The following IL1RAPL2 variants were observed in gnomAD, a reference collection of about 807,000 sequenced individuals.
IL1RAPL2 encodes the protein X-linked interleukin-1 receptor accessory protein-like 2.
Under a neutral mutation model 44.1 loss-of-function variants are expected in IL1RAPL2, and 3 were observed. That is an observed-to-expected ratio of 0.07 (90% CI 0.03 to 0.18). The LOEUF (loss-of-function observed/expected upper bound fraction) is 0.18. IL1RAPL2 is among the 10% of genes least tolerant of loss of function. The pLI is 1.00. For synonymous variants in IL1RAPL2, 181 were observed against 178.8 expected (o/e 1.01, Z -0.10); for missense variants, 391 against 496.4 (o/e 0.79, Z 2.02).
At chrX:105,035,654 A>T (rs1462798906) in intron 2 of IL1RAPL2, among the ~76,000 whole-genome samples, 1 of 112,553 alleles carries the variant, frequency 8.9e-6, no homozygotes, top group Non-Finnish European at 1.9e-5. Context: ...AATGTTCATT[A>T]AAACAAATAA....
intron 2 of IL1RAPL2, among the ~76,000 whole-genome samples, chrX:105,131,065 CAG>C (rs769526587): frequency 5.4e-5 from 6 of 111,063 alleles, no homozygotes; most frequent in Non-Finnish European, 1.1e-4. Context: ...TAAATTTACA[CAG>C]GGGATTAGTG....
At chrX:105,165,597 T>G in intron 2 of IL1RAPL2, among the ~76,000 whole-genome samples, 1 of 112,245 alleles carries the variant, frequency 8.9e-6, no homozygotes. Context: ...TCCACATGGC[T>G]TTCAGGATAA....
At chrX:105,561,910 G>A (rs894998001) in intron 6 of IL1RAPL2, among the ~76,000 whole-genome samples, 9 of 112,060 alleles carry the variant, frequency 8.0e-5, no homozygotes, top group Non-Finnish European at 1.7e-4. Flanking sequence ...ACCCAGCTAG[G>A]TACAAAGTCA....
intron 2 of IL1RAPL2, among the ~76,000 whole-genome samples, chrX:104,963,362 G>A (rs1406490484): frequency 1.8e-5 from 2 of 112,117 alleles, no homozygotes; most frequent in East Asian, 5.6e-4. Flanking sequence ...TTATTCATAT[G>A]TAATCACATC....
intron 1 of IL1RAPL2, among the ~76,000 whole-genome samples, chrX:104,650,853 G>T (rs746428407): frequency 9.0e-6 from 1 of 111,655 alleles, no homozygotes; most frequent in African/African-American, 3.3e-5. Flanking sequence ...TTCAGTAGTG[G>T]TTAAGAGATT....
At chrX:104,871,634 TA>T (rs1363026042) in intron 2 of IL1RAPL2, among the ~76,000 whole-genome samples, 1 of 111,303 alleles carries the variant, frequency 9.0e-6, no homozygotes. Context: ...TACCTAATTC[TA>T]AAATCCCCTG....
intron 2 of IL1RAPL2, among the ~76,000 whole-genome samples, chrX:105,158,217 G>T (rs1602983401): frequency 0.27 from 4 of 15 alleles, no homozygotes; most frequent in East Asian, 0.5. Context: ...AATTACCTGG[G>T]TGTGGTGCGG....
At chrX:105,341,632 C>G (rs1343717844) in intron 5 of IL1RAPL2, among the ~76,000 whole-genome samples, 1 of 111,971 alleles carries the variant, frequency 8.9e-6, no homozygotes, top group East Asian at 2.8e-4. Context: ...AGCCATGTGA[C>G]AAATATTAAG....
chrX:105,330,189 T>C (rs2034975075), intron 5 of IL1RAPL2, among the ~76,000 whole-genome samples: 1 of 111,724 alleles, frequency 9.0e-6, no homozygotes, highest in African/African-American at 3.3e-5. Context: ...CTTGTTCAGA[T>C]ACTTCCTAGT....
intron 2 of IL1RAPL2, among the ~76,000 whole-genome samples, chrX:104,887,919 G>A (rs1013067746): frequency 3.6e-5 from 4 of 111,474 alleles, no homozygotes; most frequent in South Asian, 3.8e-4. Context: ...AGAACTAGTG[G>A]CACTTACCCG....
At chrX:105,007,586 G>C (rs754659638) in intron 2 of IL1RAPL2, among the ~76,000 whole-genome samples, 1 of 111,473 alleles carries the variant, frequency 9.0e-6, no homozygotes, top group Non-Finnish European at 1.9e-5. Context: ...AATCCTTAAG[G>C]CTTCTTCCAA....
intron 6 of IL1RAPL2, among the ~76,000 whole-genome samples, chrX:105,640,741 T>G (rs766266335): frequency 1.3e-5 from 1 of 75,895 alleles, no homozygotes; most frequent in South Asian, 7.5e-4. Flanking sequence ...TATATAGATA[T>G]AGATAGATAT....
chrX:105,499,351 C>T (rs2036377033), intron 6 of IL1RAPL2, among the ~76,000 whole-genome samples: 1 of 110,149 alleles, frequency 9.1e-6, no homozygotes. Context: ...TAATGTGACA[C>T]CAAAAGTATA....
chrX:104,986,425 G>A (rs1367072831), intron 2 of IL1RAPL2, among the ~76,000 whole-genome samples: 1 of 112,322 alleles, frequency 8.9e-6, no homozygotes, highest in Non-Finnish European at 1.9e-5. Context: ...GTAATTGATA[G>A]CTTGATTAAG....
At chrX:104,916,568 C>T (rs1290837991) in intron 2 of IL1RAPL2, among the ~76,000 whole-genome samples, 2 of 111,394 alleles carry the variant, frequency 1.8e-5, no homozygotes, top group Non-Finnish European at 3.8e-5. Flanking sequence ...ATTTCCTTCT[C>T]CTGCCTGATT....
At chrX:104,918,068 A>C (rs2147689226) in intron 2 of IL1RAPL2, among the ~76,000 whole-genome samples, 1 of 112,579 alleles carries the variant, frequency 8.9e-6, no homozygotes, top group Admixed American at 9.4e-5. Flanking sequence ...TCCAATAATT[A>C]GGAAATTAGC....
chrX:105,607,977 T>C (rs1258325733), intron 6 of IL1RAPL2, among the ~76,000 whole-genome samples: 1 of 110,988 alleles, frequency 9.0e-6, no homozygotes, highest in East Asian at 2.8e-4. Context: ...CTTATGGAAC[T>C]GCTGTAGGTA....
chrX:105,154,725 T>TC, intron 2 of IL1RAPL2, among the ~76,000 whole-genome samples: 1 of 111,733 alleles, frequency 8.9e-6, no homozygotes, highest in East Asian at 2.8e-4. Flanking sequence ...TTTATTTTTT[T>TC]CTTCATTCTT....
chrX:104,774,731 A>G (rs1932691656), intron 2 of IL1RAPL2, among the ~76,000 whole-genome samples: 1 of 112,145 alleles, frequency 8.9e-6, no homozygotes, highest in African/African-American at 3.2e-5. Context: ...TTACATATTC[A>G]TTGATATGTG....
Sources: gnomAD v4.1 joint callset for allele counts (sites outside exome capture counted in the v4.1 genomes callset) on GRCh38, gnomAD v4.1.1 for gene constraint, MANE v1.5 for transcripts, NCBI Gene and HGNC (gene_info 2026-07-23, HGNC 2026-07-21) for gene names.